The following ASB4 variants were observed in gnomAD, a reference collection of about 807,000 sequenced individuals.
ASB4 encodes the protein ankyrin repeat and SOCS box protein 4.
Under a neutral mutation model 38.6 loss-of-function variants are expected in ASB4, and 35 were observed. The observed-to-expected ratio is 0.91, with a 90% CI of 0.69 to 1.20. The LOEUF (loss-of-function observed/expected upper bound fraction) is 1.20, where lower values mean the gene tolerates loss of function less well. ASB4 is among the 50% of genes most tolerant of loss of function. The pLI is 0.00. For missense variants in ASB4, 557 were observed against 527.2 expected, an observed-to-expected ratio of 1.06 and a Z score of -0.55; for synonymous variants, 195 against 201.3, an observed-to-expected ratio of 0.97 and a Z score of 0.26.
the ASB4 span, among the ~76,000 whole-genome samples, chr7:95,549,304 T>TTTTTTTTTTTTTTC: frequency 7.4e-6 from 1 of 135,886 alleles, no homozygotes; most frequent in Non-Finnish European, 1.6e-5. Flanking sequence ...AGACTCCATT[T>TTTTTTTTTTTTTTC]TTTTTTTTTT....
upstream of ASB4, among the ~76,000 whole-genome samples, chr7:95,482,952 G>C (rs988320783): frequency 2.0e-5 from 3 of 152,166 alleles, no homozygotes; most frequent in African/African-American, 7.2e-5. Context: ...AGAGAATGTA[G>C]ACCCCTTGGG....
chr7:95,487,169 C>T (rs756644940), intron 1 of ASB4, among the ~76,000 whole-genome samples: 16 of 152,148 alleles, frequency 1.1e-4, no homozygotes, highest in South Asian at 2.1e-4. Flanking sequence ...TACTGTCCTC[C>T]GATTGTCAGT....
chr7:95,509,606 T>C (rs1356919964), intron 2 of ASB4, among the ~76,000 whole-genome samples: 1 of 152,186 alleles, frequency 6.6e-6, no homozygotes, highest in Non-Finnish European at 1.5e-5. Context: ...TCCTAGCTAA[T>C]GAATAAGGAT....
Position 95,539,614 on chromosome 7 carries a change from A to G in ASB4, c.*1855A>G. On this transcript the variant is annotated 3_prime_UTR_variant, in exon 5 of 5. Transcript: ENST00000325885. Reference sequence around the variant, plus strand: ...GGATGGAGCTGGAGGCCATTATTCTAAGTGAAGTAACTCAGGAATGGAAAG... The same window carrying G: ...GGATGGAGCTGGAGGCCATTATTCTGAGTGAAGTAACTCAGGAATGGAAAG... 6.2e-6 allele frequency: 1 copy of G among 161,084 alleles called. No individual in the cohort carries two copies. The highest frequency in any genetic ancestry group is 1.3e-5 in the Non-Finnish European group (1 of 75,278). The allele number at this position is 161,084 out of a possible 1,614,324, so 10.0% of individuals were successfully genotyped here. A position where few individuals can be genotyped will look rare whatever the true frequency, so the allele number is the denominator to read the frequency against.
chr7:95,478,954 G>C (rs1790000728), intron 1 of ASB4, among the ~76,000 whole-genome samples: 2 of 152,134 alleles, frequency 1.3e-5, no homozygotes, highest in African/African-American at 4.8e-5. Context: ...GACAGAACCT[G>C]AATCAGTCTG....
At position 95,537,945 on chromosome 7, in the gene ASB4, G is replaced by A; in HGVS notation, c.*186G>A. The stretch of plus-strand genomic sequence containing the variant: ...GGAAATAAAGAAGAAGTAAAGTTAA[G>A]GAATTTTCAAAGACAAGGATGTATT... On this transcript the variant is annotated 3_prime_UTR_variant, in exon 5 of 5. Transcript: ENST00000325885. The A allele has an allele frequency of 1.8e-6, 1 of 566,114 alleles. No homozygotes were observed. The highest frequency in any genetic ancestry group is 3.1e-6 in the Non-Finnish European group (1 of 323,516). 35.1% of individuals were successfully genotyped at this position (566,114 alleles called of 1,614,324 possible).
Position 95,522,275 on chromosome 7 carries a change from T to C in ASB4, c.488-5538T>C, listed in dbSNP as rs534574577. Among the ~76,000 whole-genome samples, 6 of 152,282 alleles carry C rather than the reference T, an allele frequency of 3.9e-5. No homozygotes were observed. The East Asian group carries it at 5.8e-4, about 15-fold the overall frequency. ...CTTTGATTTATTAGAACTTTACCAATAATTTTTTTTATTTTGGAATACCAT... is the reference window on the plus strand; with the variant it reads ...CTTTGATTTATTAGAACTTTACCAACAATTTTTTTTATTTTGGAATACCAT... On this transcript the variant is annotated intron_variant, in intron 2 of 4. Transcript: ENST00000325885.
intron 4 of ASB4, among the ~76,000 whole-genome samples, chr7:95,536,842 C>G (rs2116659140): frequency 6.6e-6 from 1 of 152,232 alleles, no homozygotes; most frequent in South Asian, 2.1e-4. Flanking sequence ...TAAATGATAA[C>G]ATTTGGAATT....
Position 95,496,017 on chromosome 7 carries a change from T to C in ASB4, c.447T>C (p.Thr149=). The C allele has an allele frequency of 6.2e-7, 1 of 1,613,856 alleles. No individual in the cohort carries two copies. Among genetic ancestry groups the C allele is most frequent in the Non-Finnish European group, 8.5e-7 (1 of 1,179,832 alleles). The change falls in exon 2 of 5, where the codon ACT becomes ACC. Residue 149 remains threonine, a synonymous_variant. Coordinates refer to ENST00000325885, the MANE Select transcript of ASB4 (RefSeq NM_016116.3). ...SGHTALHFCT[T]PSSILCAKQL... is the part of the protein sequence containing the mutation. ...ACACAGCTTTGCACTTTTGTACAAC[T>C]CCAAGTTCCATTCTCTGTGCCAAGC...
intron 2 of ASB4, among the ~76,000 whole-genome samples, chr7:95,509,536 G>C (rs1170565022): frequency 2.0e-5 from 3 of 152,060 alleles, no homozygotes; most frequent in Non-Finnish European, 4.4e-5. Flanking sequence ...AGAGGAAAAG[G>C]GTTTTCAATT....
upstream of ASB4, among the ~76,000 whole-genome samples, chr7:95,484,913 T>G (rs918810668): frequency 6.6e-6 from 1 of 151,640 alleles, no homozygotes; most frequent in Admixed American, 6.6e-5. Context: ...AGTCTTTAAG[T>G]TTTTGCCACA....
intron 2 of ASB4, among the ~76,000 whole-genome samples, chr7:95,513,293 ATGTGTGTGTGTGTGTGTG>A (rs3046862): frequency 7.8e-5 from 7 of 89,234 alleles, no homozygotes; most frequent in Non-Finnish European, 1.1e-4. Flanking sequence ...AGCCAATAGA[ATGTGTGTGTGTGTGTGTG>A]TGTGTGTGTG....
chr7:95,520,515 G>A (rs1011393283), intron 2 of ASB4, among the ~76,000 whole-genome samples: 5 of 152,180 alleles, frequency 3.3e-5, no homozygotes, highest in Non-Finnish European at 7.3e-5. Flanking sequence ...GAACCATAGT[G>A]ACTGAATACA....
downstream of ASB4, chr7:95,543,647 T>C (rs1790998219): frequency 6.6e-6 from 1 of 152,046 alleles, no homozygotes; most frequent in Admixed American, 6.6e-5. Flanking sequence ...AATTTAAAAG[T>C]GAGTATCCCT....
At position 95,513,303 on chromosome 7, in the gene ASB4, G is replaced by C. The variant is rs1193696131; in HGVS notation, c.488-14510G>C. 9.6e-4 allele frequency among the ~76,000 whole-genome samples: 122 copies of C among 127,704 alleles called. 1 individual carries two copies. Among genetic ancestry groups the C allele is most frequent in the Middle Eastern group, 4.1e-3 (1 of 242 alleles). 83.8% of individuals were successfully genotyped at this position (127,704 alleles called of 152,430 possible). On this transcript the variant is annotated intron_variant, in intron 2 of 4. Transcript: ENST00000325885. ...AATCGAGCCAATAGAATGTGTGTGT[G>C]TGTGTGTGTGTGTGTGTGTGTGTGT...
chr7:95,484,161 C>T (rs1207920139), upstream of ASB4, among the ~76,000 whole-genome samples: 1 of 151,912 alleles, frequency 6.6e-6, no homozygotes, highest in Non-Finnish European at 1.5e-5. Flanking sequence ...AACCCTGTCT[C>T]TTCAAAAAAA....
intron 2 of ASB4, among the ~76,000 whole-genome samples, chr7:95,518,374 G>A (rs186852578): frequency 6.6e-6 from 1 of 152,364 alleles, no homozygotes; most frequent in Admixed American, 6.5e-5. Context: ...GCAAGCCTCA[G>A]GTAGAGATGG....
rs35506436 is a variant in ASB4, at chr7:95,495,738, C to CTTT, written c.188-6_188-4dup. The stretch of plus-strand genomic sequence containing the variant: ...GTCAAGAAGTTAAACTTTCCTTTTC[C>CTTT]TTTTTTTTTTTTTTTTCAGGTTACT... On this transcript the variant is annotated intron_variant, in intron 1 of 4. Transcript: ENST00000325885. The CTTT allele has an allele frequency of 2.9e-4, 422 of 1,442,054 alleles. 1 individual carries two copies. The highest frequency in any genetic ancestry group is 1.4e-3 in the African/African-American group (98 of 67,762). The allele number at this position is 1,442,054 out of a possible 1,614,324, so 89.3% of individuals were successfully genotyped here. A position where few individuals can be genotyped will look rare whatever the true frequency, so the allele number is the denominator to read the frequency against.
upstream of ASB4, among the ~76,000 whole-genome samples, chr7:95,481,493 G>A (rs780764847): frequency 6.6e-6 from 1 of 152,200 alleles, no homozygotes; most frequent in African/African-American, 2.4e-5. Context: ...TAATTCAGCT[G>A]CTGAGAAAGT....
Sources: allele counts gnomAD v4.1 joint callset (sites outside exome capture counted in the v4.1 genomes callset), GRCh38; gene constraint gnomAD v4.1.1; transcripts MANE v1.5; gene names NCBI Gene and HGNC (gene_info 2026-07-23, HGNC 2026-07-21).